GCNA: variants seen among roughly 807,000 people sequenced by gnomAD.
GCNA encodes the protein germ cell nuclear acidic peptidase.
A neutral mutation model predicts 38.8 loss-of-function variants in GCNA; 3 were observed. The observed-to-expected ratio is 0.08, with a 90% confidence interval of 0.04 to 0.20. The LOEUF (loss-of-function observed/expected upper bound fraction) is 0.20. Among genes scored for constraint, GCNA ranks in the 10% least tolerant of loss-of-function variants. The pLI is 1.00. For synonymous variants in GCNA, 195 were observed against 240.2 expected (o/e 0.81, Z 1.74); for missense variants, 446 against 578.6 (o/e 0.77, Z 2.35).
intron 8 of GCNA, 50 bp downstream of exon 8, chrX:71,604,726 G>A (rs2040755322): frequency 8.4e-7 from 1 of 1,187,868 alleles, no homozygotes; most frequent in Non-Finnish European, 1.1e-6. Context: ...TGCCTTGCCT[G>A]CCAAATGTGC....
At chrX:71,586,103 C>T (rs1179717395) in intron 2 of GCNA, among the ~76,000 whole-genome samples, 5 of 104,565 alleles carry the variant, frequency 4.8e-5, no homozygotes, top group African/African-American at 1.8e-4. Flanking sequence ...CAGATAGCAT[C>T]TTGTTTACTT....
Position 71,600,668 on chromosome X carries a change from C to CT in GCNA, c.310+2636dup, listed in dbSNP as rs747536533. Among the ~76,000 whole-genome samples the CT allele has an allele frequency of 4.8e-3, 538 of 111,624 alleles. 3 individuals are homozygous for CT. The highest frequency in any genetic ancestry group is 0.017 in the African/African-American group (518 of 30,771). On this transcript the variant is annotated intron_variant, in intron 7 of 12. Transcript: ENST00000373696. Reference sequence around the variant, plus strand: ...GGGAAAAACAATCTAAAGTAACTTTCTTTTTTAAAAAATAATTTTTCATTT... The same window carrying CT: ...GGGAAAAACAATCTAAAGTAACTTTCTTTTTTTAAAAAATAATTTTTCATTT...
intron 2 of GCNA, among the ~76,000 whole-genome samples, chrX:71,589,266 A>G (rs1413722312): frequency 9.6e-6 from 1 of 104,561 alleles, no homozygotes; most frequent in Non-Finnish European, 2.0e-5. Context: ...CCTTCAATGC[A>G]TATATTCTTT....
chrX:71,587,042 A>G (rs754898589), intron 2 of GCNA, among the ~76,000 whole-genome samples: 10 of 111,967 alleles, frequency 8.9e-5, no homozygotes, highest in African/African-American at 3.2e-4. Flanking sequence ...ATGATTCAGG[A>G]GAAAGGGGAG....
intron 2 of GCNA, among the ~76,000 whole-genome samples, chrX:71,587,045 A>G (rs947188230): frequency 1.8e-5 from 2 of 112,033 alleles, no homozygotes; most frequent in African/African-American, 6.5e-5. Context: ...ATTCAGGAGA[A>G]AGGGGAGAAT....
At chrX:71,602,477 G>A (rs1364295966) in intron 7 of GCNA, among the ~76,000 whole-genome samples, 6 of 112,019 alleles carry the variant, frequency 5.4e-5, no homozygotes, top group Non-Finnish European at 7.5e-5. Flanking sequence ...GTGAGCCACC[G>A]TGTCTGGTCA....
At chrX:71,580,770 G>A (rs1254410435) in intron 1 of GCNA, 50 bp from the exon 2 acceptor site, 2 of 1,142,540 alleles carry the variant, frequency 1.8e-6, no homozygotes, top group African/African-American at 1.8e-5. Flanking sequence ...CACTGCGCCC[G>A]GCCGAGTTCT....
At chrX:71,579,099 G>A (rs2040524945) in intron 1 of GCNA, among the ~76,000 whole-genome samples, 2 of 106,130 alleles carry the variant, frequency 1.9e-5, no homozygotes, top group South Asian at 4.2e-4. Flanking sequence ...GTAGGAGCGT[G>A]TGGTGGCGCC....
chrX:71,605,187 T>C (rs1383980815), intron 8 of GCNA, among the ~76,000 whole-genome samples: 6 of 111,839 alleles, frequency 5.4e-5, no homozygotes, highest in African/African-American at 1.9e-4. Flanking sequence ...TGGCACATGA[T>C]AGAGGTTCAA....
intron 9 of GCNA, among the ~76,000 whole-genome samples, chrX:71,607,019 G>T (rs2040773463): frequency 9.0e-6 from 1 of 111,583 alleles, no homozygotes; most frequent in South Asian, 3.8e-4. Flanking sequence ...CTGCTTGCTG[G>T]TCATGGTGTC....
At chrX:71,599,450 A>G (rs2040696624) in intron 7 of GCNA, among the ~76,000 whole-genome samples, 1 of 111,840 alleles carries the variant, frequency 8.9e-6, no homozygotes, top group Non-Finnish European at 1.9e-5. Context: ...TAACAGAGCC[A>G]GAAACCAGTT....
intron 6 of GCNA, among the ~76,000 whole-genome samples, chrX:71,595,581 C>T (rs1049965564): frequency 8.9e-6 from 1 of 111,927 alleles, no homozygotes; most frequent in Non-Finnish European, 1.9e-5. Flanking sequence ...CTGGCCATAA[C>T]CTCTCTTTCA....
At chrX:71,584,714 C>T (rs1037016366) in intron 2 of GCNA, among the ~76,000 whole-genome samples, 2 of 109,412 alleles carry the variant, frequency 1.8e-5, no homozygotes, top group African/African-American at 6.6e-5. Context: ...AATACAAAAA[C>T]AAATTTAGCT....
intron 11 of GCNA, among the ~76,000 whole-genome samples, chrX:71,611,934 TG>T (rs1418458575): frequency 9.0e-6 from 1 of 110,577 alleles, no homozygotes; most frequent in Non-Finnish European, 1.9e-5. Flanking sequence ...GATAGCCTTG[TG>T]TCTGGTGGCG....
At chrX:71,589,026 A>C (rs2040604721) in intron 2 of GCNA, among the ~76,000 whole-genome samples, 1 of 109,455 alleles carries the variant, frequency 9.1e-6, no homozygotes, top group African/African-American at 3.3e-5. Flanking sequence ...TAATTTAAAA[A>C]TATTTTTTGT....
At chrX:71,607,611 T>C (rs1477971620) in intron 9 of GCNA, among the ~76,000 whole-genome samples, 1 of 112,173 alleles carries the variant, frequency 8.9e-6, no homozygotes, top group Admixed American at 9.4e-5. Context: ...CCTTGAAAGA[T>C]GGGGCAGCGA....
chrX:71,609,358 A>G (rs1352282835), intron 10 of GCNA, among the ~76,000 whole-genome samples: 3 of 112,246 alleles, frequency 2.7e-5, no homozygotes, highest in Non-Finnish European at 5.6e-5. Flanking sequence ...AACAGCCAGG[A>G]AGTAAGATTA....
chrX:71,582,229 C>T (rs1207926652), intron 2 of GCNA, among the ~76,000 whole-genome samples: 6 of 102,071 alleles, frequency 5.9e-5, no homozygotes, highest in East Asian at 6.0e-4. Context: ...GCCGAGATTG[C>T]GCCACTGCAC....
At chrX:71,597,887 C>A in intron 6 of GCNA, 63 bp from the exon 7 acceptor site, 1 of 893,374 alleles carries the variant, frequency 1.1e-6, no homozygotes, top group East Asian at 3.2e-5. Flanking sequence ...TGAGAAATGC[C>A]ATGAAAAAGA....
Sources: allele counts gnomAD v4.1 joint callset (sites outside exome capture counted in the v4.1 genomes callset), GRCh38; gene constraint gnomAD v4.1.1; transcripts MANE v1.5; gene names NCBI Gene and HGNC (gene_info 2026-07-23, HGNC 2026-07-21).